SVOPL: variants seen among roughly 807,000 people sequenced by gnomAD.
SVOPL encodes putative transporter SVOPL.
Under a neutral mutation model 61.0 loss-of-function variants are expected in SVOPL, and 60 were observed. The ratio of observed to expected loss-of-function variants is 0.98; its 90% CI spans 0.80 to 1.22. SVOPL has a LOEUF of 1.22. Ranked by LOEUF, SVOPL falls within the 50% of genes most tolerant of loss-of-function variation. The pLI, the probability that SVOPL is intolerant of heterozygous loss-of-function variation, is 0.00. For missense variants in SVOPL, 662 were observed against 643.9 expected (o/e 1.03, Z -0.30); for synonymous variants, 279 against 250.0 (o/e 1.12, Z -1.09).
Position 138,606,051 on chromosome 7 carries a change from T to C in SVOPL, c.1354-9521A>G, listed in dbSNP as rs141025069. ...GTTAGAAATCATTCATAAAATGTTTTGAGCACCAGGTCACTCAAGTAAGAG... is the reference window on the plus strand; with the variant it reads ...GTTAGAAATCATTCATAAAATGTTTCGAGCACCAGGTCACTCAAGTAAGAG... On this transcript the variant is annotated intron_variant, in intron 14 of 15. Transcript: ENST00000674285. 1.4e-4 allele frequency among the ~76,000 whole-genome samples: 21 copies of C among 152,184 alleles called. No homozygotes were observed. The East Asian group carries it at 3.3e-3, about 24-fold the overall frequency.
intron 10 of SVOPL, among the ~76,000 whole-genome samples, chr7:138,628,803 G>A (rs1800019894): frequency 6.6e-6 from 1 of 152,112 alleles, no homozygotes; most frequent in African/African-American, 2.4e-5. Flanking sequence ...TGACTTTAAG[G>A]TTGAGCATGT....
At position 138,690,139 on chromosome 7, in the gene SVOPL, C is replaced by A. The variant is rs1045589203; in HGVS notation, c.-35+11039G>T. Among the ~76,000 whole-genome samples the A allele has an allele frequency of 2.6e-5, 4 of 152,132 alleles. No homozygotes were observed. The East Asian group carries it at 7.7e-4, about 29-fold the overall frequency. On this transcript the variant is annotated intron_variant, in intron 1 of 15. Transcript: ENST00000674285. ...CAAAACCTTGGTCTCAGACTTCTAG[C>A]CTCTCGAATCATGAAATGATCAATT...
chr7:138,627,584 A>T, intron 11 of SVOPL, 123 bp from the exon 12 acceptor site: 2 of 692,992 alleles, frequency 2.9e-6, no homozygotes, highest in Non-Finnish European at 4.9e-6. Flanking sequence ...CCTCACGAGT[A>T]TTCCAGCCAA....
chr7:138,672,582 T>G (rs114385447), intron 3 of SVOPL, among the ~76,000 whole-genome samples: 2,809 of 146,606 alleles, frequency 0.019, 83 homozygotes, highest in African/African-American at 0.067. Context: ...GTAAGATTCA[T>G]GAAAGCTGGA....
At chr7:138,620,892 T>C (rs978297001) in intron 14 of SVOPL, among the ~76,000 whole-genome samples, 154 bp downstream of exon 14, 4 of 152,194 alleles carry the variant, frequency 2.6e-5, no homozygotes, top group Non-Finnish European at 4.4e-5. Context: ...CCTCTCTCTC[T>C]ACCTAAATCC....
intron 1 of SVOPL, among the ~76,000 whole-genome samples, chr7:138,699,436 C>T (rs796619654): frequency 5.4e-5 from 8 of 147,102 alleles, no homozygotes; most frequent in African/African-American, 2.0e-4. Context: ...TAAAAAATTA[C>T]CCAAAGAGGG....
intron 3 of SVOPL, among the ~76,000 whole-genome samples, chr7:138,675,326 C>A (rs1037821705): frequency 6.6e-6 from 1 of 152,174 alleles, no homozygotes; most frequent in African/African-American, 2.4e-5. Context: ...CACATGGCTA[C>A]CTCCAGATCA....
intron 14 of SVOPL, among the ~76,000 whole-genome samples, chr7:138,611,284 A>G (rs549676462): frequency 2.8e-4 from 43 of 152,300 alleles, no homozygotes; most frequent in African/African-American, 9.1e-4. Context: ...ACGCTGAGGC[A>G]TGAGAATTGC....
intron 9 of SVOPL, among the ~76,000 whole-genome samples, chr7:138,635,420 G>A (rs1393828223): frequency 1.3e-5 from 2 of 150,962 alleles, no homozygotes; most frequent in East Asian, 1.9e-4. Flanking sequence ...AAATAGAGAT[G>A]GGGGTGGGGG....
intron 9 of SVOPL, 112 bp from the exon 10 acceptor site, chr7:138,630,234 G>T: frequency 1.2e-6 from 1 of 839,478 alleles, no homozygotes; most frequent in Non-Finnish European, 2.0e-6. Context: ...ATGGTGGCCT[G>T]CGATAACCAC....
At chr7:138,665,314 T>TTCTAA (rs1802220505) in intron 4 of SVOPL, among the ~76,000 whole-genome samples, 1 of 151,064 alleles carries the variant, frequency 6.6e-6, no homozygotes, top group Non-Finnish European at 1.5e-5. Context: ...TTGGGGGGCC[T>TTCTAA]GGGAGACAGT....
In SVOPL at chr7:138,594,451, C is replaced by G. The variant is rs185768980; in HGVS notation, c.*159G>C. 2.6e-5 allele frequency: 12 copies of G among 466,952 alleles called. No individual in the cohort carries two copies. Among genetic ancestry groups the G allele is most frequent in the Middle Eastern group, 9.5e-4 (2 of 2,108 alleles). The allele number at this position is 466,952 out of a possible 1,614,324, so 28.9% of individuals were successfully genotyped here. A position where few individuals can be genotyped will look rare whatever the true frequency, so the allele number is the denominator to read the frequency against. On this transcript the variant is annotated 3_prime_UTR_variant, in exon 16 of 16. Coordinates refer to ENST00000674285, the MANE Select transcript of SVOPL (RefSeq NM_001139456.2). ...GTTCCTCAAGGAAGAGATCAATATACAGTTACCTACCCCATTCCCATATAT... is the reference window on the plus strand; with the variant it reads ...GTTCCTCAAGGAAGAGATCAATATAGAGTTACCTACCCCATTCCCATATAT...
In SVOPL at chr7:138,664,053, G is replaced by A. The variant is rs116883479; in HGVS notation, c.274-908C>T. Among the ~76,000 whole-genome samples the A allele has an allele frequency of 5.1e-4, 78 of 152,146 alleles. No homozygotes were observed. In the East Asian group the frequency reaches 0.013, roughly 25 times the overall value. On this transcript the variant is annotated intron_variant, in intron 4 of 15. Coordinates refer to ENST00000674285, the MANE Select transcript of SVOPL (RefSeq NM_001139456.2). Reference sequence around the variant, plus strand: ...ACGCTACACTTTCTAGGACAGAAACGTTCCGTAACCCTGTTTGACAGACTG... The same window carrying A: ...ACGCTACACTTTCTAGGACAGAAACATTCCGTAACCCTGTTTGACAGACTG...
At chr7:138,641,950 C>T (rs925952766) in intron 9 of SVOPL, among the ~76,000 whole-genome samples, 5 of 143,650 alleles carry the variant, frequency 3.5e-5, no homozygotes, top group African/African-American at 5.1e-5. Flanking sequence ...CACACACACA[C>T]GTACATATAT....
chr7:138,626,274 T>C (rs1454531297), intron 12 of SVOPL, among the ~76,000 whole-genome samples: 2 of 152,210 alleles, frequency 1.3e-5, no homozygotes, highest in Non-Finnish European at 2.9e-5. Context: ...CCATTCACCC[T>C]GGCCCCTCAC....
intron 14 of SVOPL, among the ~76,000 whole-genome samples, chr7:138,608,829 C>T (rs1448644462): frequency 6.6e-6 from 1 of 152,008 alleles, no homozygotes; most frequent in Non-Finnish European, 1.5e-5. Context: ...ATGAACCCCG[C>T]ACAGAAAAAG....
intron 13 of SVOPL, among the ~76,000 whole-genome samples, chr7:138,621,985 T>C: frequency 7.5e-6 from 1 of 133,966 alleles, no homozygotes; most frequent in Non-Finnish European, 1.7e-5. Context: ...TATCTATCTA[T>C]CTATGTATCT....
chr7:138,637,443 G>GAT (rs1563108511), intron 9 of SVOPL, among the ~76,000 whole-genome samples: 3 of 127,074 alleles, frequency 2.4e-5, no homozygotes, highest in African/African-American at 1.1e-4. Context: ...TATATATATA[G>GAT]ATAGATAGAT....
chr7:138,607,608 T>C (rs1259577489), intron 14 of SVOPL, among the ~76,000 whole-genome samples: 1 of 151,984 alleles, frequency 6.6e-6, no homozygotes, highest in African/African-American at 2.4e-5. Flanking sequence ...TTACCAAGAA[T>C]GATTTTGGTG....
Sources: allele counts gnomAD v4.1 joint callset (sites outside exome capture counted in the v4.1 genomes callset), GRCh38; gene constraint gnomAD v4.1.1; transcripts MANE v1.5; gene names NCBI Gene and HGNC (gene_info 2026-07-23, HGNC 2026-07-21).